The following OTOF variants were observed in gnomAD, a reference collection of about 807,000 sequenced individuals.
OTOF encodes fer-1-like family member 2.
A neutral mutation model predicts 236.8 loss-of-function variants in OTOF; 218 were observed. The observed-to-expected ratio is 0.92, with a 90% CI of 0.82 to 1.03. OTOF has a LOEUF of 1.03. Ranked by LOEUF, OTOF falls within the 50% of genes least tolerant of loss-of-function variation. The probability of loss-of-function intolerance (pLI) is 0.00; values close to 1 mark genes in which losing one functional copy is unlikely to be tolerated. For synonymous variants in OTOF, 1,041 were observed against 1,072.5 expected, an observed-to-expected ratio of 0.97 and a Z score of 0.57; for missense variants, 2,590 against 2,694.4, an observed-to-expected ratio of 0.96 and a Z score of 0.86.
intron 1 of OTOF, among the ~76,000 whole-genome samples, chr2:26,557,265 C>T (rs1020419565): frequency 1.3e-5 from 2 of 152,130 alleles, no homozygotes; most frequent in Non-Finnish European, 2.9e-5. Context: ...GCTCACTTTG[C>T]TCTTTAGTAT....
intron 10 of OTOF, 96 bp downstream of exon 10, chr2:26,489,582 T>C: frequency 9.5e-7 from 1 of 1,048,292 alleles, no homozygotes; most frequent in Non-Finnish European, 1.5e-6. Flanking sequence ...GCTGCCTCTT[T>C]ATCATGGGTC....
intron 11 of OTOF, among the ~76,000 whole-genome samples, chr2:26,488,613 A>T (rs1665756195): frequency 6.6e-6 from 1 of 152,232 alleles, no homozygotes. Flanking sequence ...GCCGCACTAC[A>T]TCTGGCATTG....
At chr2:26,533,797 C>T (rs376844038) in intron 2 of OTOF, among the ~76,000 whole-genome samples, 1 of 152,052 alleles carries the variant, frequency 6.6e-6, no homozygotes, top group African/African-American at 2.4e-5. Context: ...TTCTTTCACT[C>T]GGCAACATTT....
At chr2:26,537,888 A>T in intron 1 of OTOF, 114 bp from the exon 2 acceptor site, 1 of 793,336 alleles carries the variant, frequency 1.3e-6, no homozygotes, top group Non-Finnish European at 2.2e-6. Flanking sequence ...TTCATGCAAC[A>T]TGGGACCTCG....
In OTOF at chr2:26,462,387, G is replaced by A. The variant is rs1186769155; in HGVS notation, c.5193-206C>T. On this transcript the variant is annotated intron_variant, in intron 41 of 46. Transcript: ENST00000272371. This position sits in a 1 kb window ranked among gnomAD's most constrained non-coding sequence, Gnocchi z 4.7. Reference sequence around the variant, plus strand: ...CCCACCAGGCACATGGCTGTGGGCGGTGGGGGTGGGGTGAGGGGAGGAAGC... The same window carrying A: ...CCCACCAGGCACATGGCTGTGGGCGATGGGGGTGGGGTGAGGGGAGGAAGC... Among the ~76,000 whole-genome samples the A allele has an allele frequency of 2.0e-5, 3 of 152,104 alleles. No individual in the cohort carries two copies. The highest frequency in any genetic ancestry group is 4.4e-5 in the Non-Finnish European group (3 of 68,016).
At chr2:26,459,872 G>T in intron 46 of OTOF, 136 bp downstream of exon 46, 1 of 834,178 alleles carries the variant, frequency 1.2e-6, no homozygotes, top group Non-Finnish European at 1.9e-6. Flanking sequence ...CGTGGCACAT[G>T]TGTGCATACA....
At position 26,473,932 on chromosome 2, in the gene OTOF, C is replaced by A; in HGVS notation, c.3408+59G>T. The stretch of plus-strand genomic sequence containing the variant: ...TGGGAGGGGGATGACAAGCCACTTC[C>A]CCTCCTGGGTCCTCAGACTCCTCAT... On this transcript the variant is annotated intron_variant, in intron 27 of 46. Coordinates refer to ENST00000272371, the MANE Select transcript of OTOF (RefSeq NM_194248.3). The surrounding 1 kb of genome is among the most constrained non-coding windows in gnomAD (Gnocchi z 7.2). The A allele has an allele frequency of 6.2e-7, 1 of 1,608,518 alleles. No homozygotes were observed. The highest frequency in any genetic ancestry group is 1.7e-5 in the Admixed American group (1 of 59,970).
chr2:26,470,560 G>T lies in OTOF; in HGVS notation c.4023+33C>A, dbSNP rs374471069. ...GACAGGAGGGTCTGAGTGTGGAGGG[G>T]GTCACCTCCCCTCACCCTACCCGAG... On this transcript the variant is annotated intron_variant, in intron 32 of 46. Coordinates refer to ENST00000272371, the MANE Select transcript of OTOF (RefSeq NM_194248.3). The surrounding 1 kb of genome is among the most constrained non-coding windows in gnomAD (Gnocchi z 4.3). 6.2e-7 allele frequency: 1 copy of T among 1,610,656 alleles called. No homozygotes were observed. The highest frequency in any genetic ancestry group is 8.5e-7 in the Non-Finnish European group (1 of 1,177,016).
At chr2:26,467,539 G>A (rs1664791543) in intron 33 of OTOF, 38 bp from the exon 34 acceptor site, 7 of 1,605,388 alleles carry the variant, frequency 4.4e-6, no homozygotes, top group Non-Finnish European at 6.0e-6. Context: ...GCAGAAATGA[G>A]CAGAGCAGGA....
At chr2:26,548,900 A>G (rs1667397375) in intron 1 of OTOF, among the ~76,000 whole-genome samples, 1 of 152,170 alleles carries the variant, frequency 6.6e-6, no homozygotes, top group Non-Finnish European at 1.5e-5. Flanking sequence ...CTGACTGTAA[A>G]TGAGGTTATA....
At position 26,477,077 on chromosome 2, in the gene OTOF, A is replaced by G; in HGVS notation, c.2524-34T>C. ...TGGGGGGTGGCCAGGGGCAGTGGGTAAGGGGGTCTAGCCTCCTGATTGAGC... is the reference window on the plus strand; with the variant it reads ...TGGGGGGTGGCCAGGGGCAGTGGGTGAGGGGGTCTAGCCTCCTGATTGAGC... On this transcript the variant is annotated intron_variant, in intron 21 of 46. Transcript: ENST00000272371. The surrounding 1 kb of genome is among the most constrained non-coding windows in gnomAD (Gnocchi z 4.7). 1 of 1,512,736 alleles carries G rather than the reference A, an allele frequency of 6.6e-7. No homozygotes were observed. The highest frequency in any genetic ancestry group is 9.0e-7 in the Non-Finnish European group (1 of 1,109,574). The allele number at this position is 1,512,736 out of a possible 1,614,324, so 93.7% of individuals were successfully genotyped here. A position where few individuals can be genotyped will look rare whatever the true frequency, so the allele number is the denominator to read the frequency against.
rs575510179 is a variant in OTOF, at chr2:26,519,939, T to C, written c.228-830A>G. Reference sequence around the variant, plus strand: ...CTAAACTGTGAACCTCTCAAGGGCATGGGTGGTGCTTTTTATTCTAGCCTC... The same window carrying C: ...CTAAACTGTGAACCTCTCAAGGGCACGGGTGGTGCTTTTTATTCTAGCCTC... On this transcript the variant is annotated intron_variant, in intron 3 of 46. Transcript: ENST00000272371. Among the ~76,000 whole-genome samples, 8 of 152,342 alleles carry C rather than the reference T, an allele frequency of 5.3e-5. No individual in the cohort carries two copies. The South Asian group carries it at 1.7e-3, about 32-fold the overall frequency.
In OTOF at chr2:26,482,388, G is replaced by A. The variant is rs769672010; in HGVS notation, c.1579+18C>T. On this transcript the variant is annotated intron_variant, in intron 14 of 46. Coordinates refer to ENST00000272371, the MANE Select transcript of OTOF (RefSeq NM_194248.3). ...CACTCCCTCTGCCCCCCAGCACACC[G>A]GGTCTCCCGCTGCTGACCTTTGTCT... The A allele has an allele frequency of 4.3e-6, 7 of 1,611,614 alleles. No homozygotes were observed. In the Admixed American group the frequency reaches 8.3e-5, roughly 19 times the overall value.
intron 9 of OTOF, among the ~76,000 whole-genome samples, chr2:26,490,606 G>A (rs1248929917): frequency 1.3e-5 from 2 of 152,200 alleles, no homozygotes; most frequent in African/African-American, 2.4e-5. Flanking sequence ...CGAAGAGAAC[G>A]TGCTCCTGGC....
In OTOF at chr2:26,474,660, G is replaced by T. The variant is rs745669957; in HGVS notation, c.3141C>A (p.Phe1047Leu). ...GGGGTTTGGCGAAGGTCCGGCCCAT[G>T]AAGTCAGCTTTGCCCTGACGCAACA... ...YDQDSMGKAD[F>L]MGRTFAKPLV... The change falls in exon 26 of 47, where the codon TTC (phenylalanine) becomes TTA (leucine). Residue 1047 changes from phenylalanine to leucine, a missense_variant. Around this residue, in one of 2 missense-constraint regions of OTOF, gnomAD observed 1,211 missense variants for 1,352.8 expected, o/e 0.90. Transcript: ENST00000272371. 5 of 1,613,346 alleles carry T rather than the reference G, an allele frequency of 3.1e-6. No individual in the cohort carries two copies. The South Asian group carries it at 5.5e-5, about 18-fold the overall frequency.
At chr2:26,522,187 T>C (rs2148106928) in intron 3 of OTOF, among the ~76,000 whole-genome samples, 1 of 152,304 alleles carries the variant, frequency 6.6e-6, no homozygotes, top group South Asian at 2.1e-4. Flanking sequence ...TCCTAACAGT[T>C]CACCCCCCAA....
intron 5 of OTOF, among the ~76,000 whole-genome samples, chr2:26,509,418 G>A (rs1458851011): frequency 3.3e-5 from 5 of 152,286 alleles, no homozygotes; most frequent in South Asian, 2.1e-4. Context: ...CTGGGCTGGA[G>A]CTCTTCCTAC....
rs137986959 is a variant in OTOF, at chr2:26,460,869, C to T, written c.5695G>A (p.Asp1899Asn). ...WWPLLARNEN[D>N]EFELTGKVEA... ...GTGCGCACCGTGAGCTCAAACTCAT[C>T]GTTCTCATTGCGGGCCAGGAGGGGC... Residue 1899 changes from aspartate to asparagine, a missense_variant, in exon 44 of 47, where the codon GAT (aspartate) becomes AAT (asparagine). Transcript: ENST00000272371. The surrounding 1 kb of genome is among the most constrained non-coding windows in gnomAD (Gnocchi z 5.3). 53 of 1,614,178 alleles carry T rather than the reference C, an allele frequency of 3.3e-5. No homozygotes were observed. The highest frequency in any genetic ancestry group is 3.3e-4 in the Middle Eastern group (2 of 6,062).
rs370631653 is a variant in OTOF at position 26,482,647 on chromosome 2, A to ATGTG, written c.1393-59_1393-56dup. ...GTGGCATGTGTGTGTGAGTGGGTGC[A>ATGTG]TGTGTGTGTGTGTGAGTGGGCGCAT... On this transcript the variant is annotated intron_variant, in intron 13 of 46. Coordinates refer to ENST00000272371, the MANE Select transcript of OTOF (RefSeq NM_194248.3). 7 of 1,454,714 alleles carry ATGTG rather than the reference A, an allele frequency of 4.8e-6. No homozygotes were observed. The African/African-American group carries it at 5.9e-5, about 12-fold the overall frequency. The allele number at this position is 1,454,714 out of a possible 1,614,324, so 90.1% of individuals were successfully genotyped here.
Sources: gnomAD v4.1 joint callset for allele counts (sites outside exome capture counted in the v4.1 genomes callset) on GRCh38, gnomAD v4.1.1 for gene constraint, gnomAD v4.1.1 regional missense constraint, Gnocchi (gnomAD v3.1) non-coding constraint, MANE v1.5 for transcripts, NCBI Gene and HGNC (gene_info 2026-07-23, HGNC 2026-07-21) for gene names.